The following DOCK7 variants were observed in gnomAD, a reference collection of about 807,000 sequenced individuals.
DOCK7 encodes the protein dedicator of cytokinesis protein 7.
Under a neutral mutation model 271.0 loss-of-function variants are expected in DOCK7, and 138 were observed. That is an observed-to-expected ratio of 0.51 (90% confidence interval 0.44 to 0.59). The LOEUF is 0.59. DOCK7 is among the 20% of genes least tolerant of loss of function. DOCK7 has a pLI of 0.00. For synonymous variants in DOCK7, 823 were observed against 876.1 expected (o/e 0.94, Z 1.07); for missense variants, 2,066 against 2,592.4 (o/e 0.80, Z 4.41).
rs1654601217 is a variant in DOCK7 at position 62,631,336 on chromosome 1, T to C, written c.1186A>G (p.Met396Val). 2 of 1,613,568 alleles carry C rather than the reference T, an allele frequency of 1.2e-6. No homozygotes were observed. Among genetic ancestry groups the C allele is most frequent in the East Asian group, 2.2e-5 (1 of 44,842 alleles). ...QFCQRLGKYR[M>V]PFAWTAIHLM... ...TGGATTGCAGTCCAAGCAAAAGGCA[T>C]GCGATATTTCCCAAGTCTTTGGCAA... The change falls in exon 11 of 50, where the codon ATG becomes GTG. Residue 396 changes from methionine to valine, a missense_variant. Physicochemically the swap from Met to Val is conservative, Grantham distance 21. Coordinates refer to ENST00000635253, the MANE Select transcript of DOCK7 (RefSeq NM_001367561.1).
chr1:62,509,843 AG>A (rs1367450572), intron 34 of DOCK7, among the ~76,000 whole-genome samples: 1 of 152,136 alleles, frequency 6.6e-6, no homozygotes, highest in Non-Finnish European at 1.5e-5. Context: ...GTTCTCAGAT[AG>A]GGTAATCAAT....
At chr1:62,652,216 G>A (rs1657469699) in intron 4 of DOCK7, among the ~76,000 whole-genome samples, 1 of 152,140 alleles carries the variant, frequency 6.6e-6, no homozygotes, top group African/African-American at 2.4e-5. Flanking sequence ...TGAGCTTAAA[G>A]CACTACTGAA....
intron 29 of DOCK7, among the ~76,000 whole-genome samples, chr1:62,530,219 T>C (rs988089516): frequency 6.6e-6 from 1 of 152,224 alleles, no homozygotes; most frequent in Non-Finnish European, 1.5e-5. Flanking sequence ...CAGAAGACCT[T>C]ACTTCCAACT....
chr1:62,588,454 C>T (rs571786732), intron 14 of DOCK7, among the ~76,000 whole-genome samples: 27 of 152,068 alleles, frequency 1.8e-4, no homozygotes, highest in Non-Finnish European at 2.2e-4. Flanking sequence ...TCTTTTCTAG[C>T]CTTGTGATTT....
chr1:62,526,358 T>G lies in DOCK7; in HGVS notation c.3936+1793A>C, dbSNP rs187483625. On this transcript the variant is annotated intron_variant, in intron 31 of 49. Coordinates refer to ENST00000635253, the MANE Select transcript of DOCK7 (RefSeq NM_001367561.1). Reference sequence around the variant, plus strand: ...TTGTTAGGGAAATGCAAATCAAAACTACAGTGAAGTTCCAATTTACAATCA... The same window carrying G: ...TTGTTAGGGAAATGCAAATCAAAACGACAGTGAAGTTCCAATTTACAATCA... Among the ~76,000 whole-genome samples, 28 of 152,274 alleles carry G rather than the reference T, an allele frequency of 1.8e-4. No homozygotes were observed. The East Asian group carries it at 5.0e-3, about 27-fold the overall frequency.
At chr1:62,519,669 G>A (rs139471502) in intron 31 of DOCK7, among the ~76,000 whole-genome samples, 27 of 152,110 alleles carry the variant, frequency 1.8e-4, no homozygotes, top group Admixed American at 3.3e-4. Flanking sequence ...TCCTAGAGGC[G>A]ATGAGAAGGG....
At chr1:62,591,713 A>T (rs1033475677) in intron 14 of DOCK7, among the ~76,000 whole-genome samples, 12 of 152,184 alleles carry the variant, frequency 7.9e-5, no homozygotes, top group Non-Finnish European at 1.5e-4. Flanking sequence ...GCGGGCATGG[A>T]CATGACTGGC....
chr1:62,513,172 T>A (rs1254955040), intron 33 of DOCK7, among the ~76,000 whole-genome samples: 1 of 140,598 alleles, frequency 7.1e-6, no homozygotes, highest in East Asian at 2.1e-4. Context: ...ATGCTATTAA[T>A]CACATAAGGA....
intron 14 of DOCK7, among the ~76,000 whole-genome samples, chr1:62,588,836 C>T (rs1043495164): frequency 6.6e-6 from 1 of 152,034 alleles, no homozygotes; most frequent in African/African-American, 2.4e-5. Context: ...GAACTCCTGG[C>T]CTAAAATGAT....
chr1:62,588,779 C>T (rs777526620), intron 14 of DOCK7, among the ~76,000 whole-genome samples: 3 of 152,048 alleles, frequency 2.0e-5, no homozygotes, highest in Non-Finnish European at 2.9e-5. Context: ...CTCACTCTGT[C>T]GCTCAGGCTG....
intron 37 of DOCK7, 109 bp from the exon 38 acceptor site, chr1:62,496,606 A>C: frequency 3.8e-6 from 4 of 1,048,466 alleles, no homozygotes; most frequent in Non-Finnish European, 5.3e-6. Context: ...ATTCTAAGCA[A>C]AATATTTTTT....
chr1:62,589,878 T>C (rs1200329835), intron 14 of DOCK7, among the ~76,000 whole-genome samples: 2 of 128,486 alleles, frequency 1.6e-5, no homozygotes, highest in Non-Finnish European at 3.2e-5. Context: ...CAAGACTCCA[T>C]CTAAAAAAAA....
At chr1:62,505,197 A>C (rs900852064) in intron 36 of DOCK7, among the ~76,000 whole-genome samples, 1 of 152,228 alleles carries the variant, frequency 6.6e-6, no homozygotes, top group African/African-American at 2.4e-5. Flanking sequence ...GCTACCTTCA[A>C]AATTTAAGAA....
At chr1:62,559,267 A>T (rs1646244562) in intron 19 of DOCK7, 47 bp from the exon 20 acceptor site, 1 of 1,478,314 alleles carries the variant, frequency 6.8e-7, no homozygotes, top group Non-Finnish European at 9.3e-7. Flanking sequence ...TAACTTTATA[A>T]ATTTCCCACT....
intron 37 of DOCK7, among the ~76,000 whole-genome samples, chr1:62,502,974 A>G (rs1385048616): frequency 6.6e-6 from 1 of 152,164 alleles, no homozygotes; most frequent in East Asian, 1.9e-4. Context: ...GTTCAAATTA[A>G]AAAGAAAGCA....
chr1:62,668,482 A>G lies in DOCK7; in HGVS notation c.39-5352T>C, dbSNP rs572996940. Among the ~76,000 whole-genome samples, 6 of 152,364 alleles carry G rather than the reference A, an allele frequency of 3.9e-5. No homozygotes were observed. The South Asian group carries it at 8.3e-4, about 21-fold the overall frequency. On this transcript the variant is annotated intron_variant, in intron 1 of 49. Coordinates refer to ENST00000635253, the MANE Select transcript of DOCK7 (RefSeq NM_001367561.1). ...AATTTGAACATGGGCAAGGTAATAC[A>G]TAAGAGTCATTAGGGTTTTTTTAAA...
At chr1:62,460,683 GTC>G (rs1216490245) in intron 48 of DOCK7, among the ~76,000 whole-genome samples, 124 of 151,658 alleles carry the variant, frequency 8.2e-4, no homozygotes, top group Admixed American at 8.1e-3. Context: ...TTGAGACAGG[GTC>G]TTGCTCTTTT....
intron 14 of DOCK7, chr1:62,598,887 T>G (rs1571709384): frequency 1.2e-6 from 1 of 859,468 alleles, no homozygotes; most frequent in East Asian, 2.6e-5. Context: ...TTTACAAGCT[T>G]TAACTGGATC....
At chr1:62,671,432 C>A (rs1659989528) in intron 1 of DOCK7, among the ~76,000 whole-genome samples, 1 of 152,028 alleles carries the variant, frequency 6.6e-6, no homozygotes, top group South Asian at 2.1e-4. Flanking sequence ...GGGACCATAT[C>A]TTATTAATCG....
Sources: allele counts gnomAD v4.1 joint callset (sites outside exome capture counted in the v4.1 genomes callset), GRCh38; gene constraint gnomAD v4.1.1; transcripts MANE v1.5; gene names NCBI Gene and HGNC (gene_info 2026-07-23, HGNC 2026-07-21).